Variants in FOXN3 observed in about 807,000 individuals in gnomAD.
FOXN3 encodes the protein forkhead box protein N3.
FOXN3 carries 7 observed loss-of-function variants against 38.4 expected under a neutral mutation model. The ratio of observed to expected loss-of-function variants is 0.18; its 90% CI spans 0.10 to 0.34. The LOEUF is 0.34. Among genes scored for constraint, FOXN3 ranks in the 10% least tolerant of loss-of-function variants. The probability of loss-of-function intolerance (pLI) is 1.00; values close to 1 mark genes in which losing one functional copy is unlikely to be tolerated. For synonymous variants in FOXN3, 230 were observed against 242.2 expected, an observed-to-expected ratio of 0.95 and a Z score of 0.47; for missense variants, 456 against 613.4, an observed-to-expected ratio of 0.74 and a Z score of 2.71.
chr14:89,360,656 A>G (rs1305358407), intron 2 of FOXN3, among the ~76,000 whole-genome samples: 16 of 151,820 alleles, frequency 1.1e-4, no homozygotes, highest in Non-Finnish European at 2.2e-4. Context: ...ATACCCTCAC[A>G]GCCGCAGGTT....
chr14:89,511,255 CTTT>C (rs1240715135), intron 1 of FOXN3, among the ~76,000 whole-genome samples: 1 of 26,232 alleles, frequency 3.8e-5, no homozygotes, highest in African/African-American at 1.3e-4. Flanking sequence ...TCTTTTCTTT[CTTT>C]CTTTCTTTCT....
chr14:89,470,712 T>C (rs1046978234), intron 1 of FOXN3, among the ~76,000 whole-genome samples: 2 of 152,170 alleles, frequency 1.3e-5, no homozygotes, highest in African/African-American at 4.8e-5. Context: ...AAGGCCCCCA[T>C]GGAACGCATT....
intron 1 of FOXN3, among the ~76,000 whole-genome samples, chr14:89,491,783 G>A (rs1893581819): frequency 6.6e-6 from 1 of 152,064 alleles, no homozygotes; most frequent in African/African-American, 2.4e-5. Context: ...CCACTATTTG[G>A]GAATCCCTCA....
At chr14:89,590,960 C>A (rs954683271) in intron 1 of FOXN3, among the ~76,000 whole-genome samples, 2 of 150,148 alleles carry the variant, frequency 1.3e-5, no homozygotes, top group African/African-American at 4.9e-5. Context: ...TCTCCTTGTC[C>A]AATCACCGCT....
At chr14:89,609,071 T>G (rs1896338287) in intron 1 of FOXN3, among the ~76,000 whole-genome samples, 1 of 151,786 alleles carries the variant, frequency 6.6e-6, no homozygotes, top group South Asian at 2.1e-4. Context: ...CCACAGCGAG[T>G]TCAGGGGTGA....
intron 3 of FOXN3, among the ~76,000 whole-genome samples, chr14:89,322,063 C>A (rs1887912634): frequency 6.6e-6 from 1 of 152,232 alleles, no homozygotes. Flanking sequence ...AATCTGAGGT[C>A]CGTGGGTGCC....
chr14:89,585,756 A>AG (rs1895828117), intron 1 of FOXN3, among the ~76,000 whole-genome samples: 1 of 53,590 alleles, frequency 1.9e-5, no homozygotes, highest in Non-Finnish European at 3.8e-5. Context: ...TCACTTGACT[A>AG]GAAAAAAAAA....
intron 1 of FOXN3, among the ~76,000 whole-genome samples, chr14:89,552,365 G>A (rs1895022911): frequency 6.6e-6 from 1 of 152,132 alleles, no homozygotes; most frequent in African/African-American, 2.4e-5. Flanking sequence ...TATTATCTCT[G>A]ACTTATACAT....
At chr14:89,192,454 T>C (rs1407876652) in intron 4 of FOXN3, among the ~76,000 whole-genome samples, 2 of 142,084 alleles carry the variant, frequency 1.4e-5, no homozygotes, top group Non-Finnish European at 3.0e-5. Context: ...TTATATATTA[T>C]ATATAAACTA....
intron 1 of FOXN3, among the ~76,000 whole-genome samples, chr14:89,615,688 TC>T (rs1232811137): frequency 6.6e-6 from 1 of 152,216 alleles, no homozygotes; most frequent in African/African-American, 2.4e-5. Context: ...CTACAGGAAA[TC>T]CTTGCTAAAA....
intron 2 of FOXN3, among the ~76,000 whole-genome samples, chr14:89,398,875 C>T (rs558729081): frequency 1.3e-5 from 2 of 152,300 alleles, no homozygotes; most frequent in East Asian, 1.9e-4. Flanking sequence ...ATCCCAGCTA[C>T]TCGGGAGGCT....
At chr14:89,336,590 AC>A (rs1262973223) in intron 3 of FOXN3, among the ~76,000 whole-genome samples, 1 of 152,138 alleles carries the variant, frequency 6.6e-6, no homozygotes, top group Non-Finnish European at 1.5e-5. Context: ...AAGCTGTGTG[AC>A]CTGCTCTTTA....
At chr14:89,255,302 G>C (rs968379506) in intron 4 of FOXN3, among the ~76,000 whole-genome samples, 1 of 152,112 alleles carries the variant, frequency 6.6e-6, no homozygotes, top group Non-Finnish European at 1.5e-5. Flanking sequence ...ATCTCCAACT[G>C]TGTAGACTTG....
intron 1 of FOXN3, among the ~76,000 whole-genome samples, chr14:89,513,396 T>C (rs1381367854): frequency 6.6e-6 from 1 of 150,990 alleles, no homozygotes; most frequent in Non-Finnish European, 1.5e-5. Flanking sequence ...AGCCAATTTT[T>C]TTGTTTTGTT....
At chr14:89,477,104 C>G (rs1487503301) in intron 1 of FOXN3, among the ~76,000 whole-genome samples, 5 of 152,262 alleles carry the variant, frequency 3.3e-5, no homozygotes, top group Non-Finnish European at 5.9e-5. Flanking sequence ...TTATTTTTCT[C>G]ATTTTGCCTT....
rs1448310752 is a variant in FOXN3, at chr14:89,616,533, C to A, written c.-15+2495G>T. Among the ~76,000 whole-genome samples, 25 of 150,186 alleles carry A rather than the reference C, an allele frequency of 1.7e-4. 1 individual carries two copies. Among genetic ancestry groups the A allele is most frequent in the African/African-American group, 5.7e-4 (23 of 40,702 alleles). ...CTTTCACTCCCCAACCCCACCCCCA[C>A]CACCCCACACACAAACGCAGCCTTC... On this transcript the variant is annotated intron_variant, in intron 1 of 6. Coordinates refer to the FOXN3 transcript ENST00000345097.
intron 3 of FOXN3, among the ~76,000 whole-genome samples, chr14:89,293,064 C>T (rs1289430910): frequency 1.3e-5 from 2 of 152,218 alleles, no homozygotes; most frequent in Non-Finnish European, 2.9e-5. Flanking sequence ...TTCTAGCCCT[C>T]TCCTCTTTTC....
intron 3 of FOXN3, among the ~76,000 whole-genome samples, chr14:89,309,990 G>A (rs17774050): frequency 0.25 from 38,300 of 152,026 alleles, 4,990 homozygotes; most frequent in South Asian, 0.34. Context: ...AAAATAGAAC[G>A]TCGCTAAGTG....
In FOXN3 at chr14:89,467,593, T is replaced by C. The variant is rs145385746; in HGVS notation, c.-14-55103A>G. ...AAAACAGCACAGGAAGGAAGAAAAT[T>C]AAAGCTAAAACATTTTGTTCCCTCT... On this transcript the variant is annotated intron_variant, in intron 1 of 6. Transcript: ENST00000345097. 4.0e-5 allele frequency among the ~76,000 whole-genome samples: 6 copies of C among 150,200 alleles called. No individual in the cohort carries two copies. In the East Asian group the frequency reaches 1.2e-3, roughly 29 times the overall value.
Sources: allele counts gnomAD v4.1 joint callset (sites outside exome capture counted in the v4.1 genomes callset), GRCh38; gene constraint gnomAD v4.1.1; transcripts MANE v1.5; gene names NCBI Gene and HGNC (gene_info 2026-07-23, HGNC 2026-07-21).